Variants in DDR2 observed in about 807,000 individuals in gnomAD.
The protein encoded by DDR2 is discoidin domain-containing receptor 2.
Under a neutral mutation model 94.9 loss-of-function variants are expected in DDR2, and 27 were observed. The ratio of observed to expected loss-of-function variants is 0.28; its 90% confidence interval spans 0.21 to 0.39. DDR2 has a LOEUF of 0.39. DDR2 is among the 10% of genes least tolerant of loss of function. The pLI is 1.00. For missense variants in DDR2, 783 were observed against 1,076.0 expected, an observed-to-expected ratio of 0.73 and a Z score of 3.81; for synonymous variants, 382 against 377.2, an observed-to-expected ratio of 1.01 and a Z score of -0.15.
At chr1:162,651,053 C>T (rs1657663459) in intron 1 of DDR2, among the ~76,000 whole-genome samples, 1 of 152,112 alleles carries the variant, frequency 6.6e-6, no homozygotes, top group African/African-American at 2.4e-5. Context: ...TATATGTCCA[C>T]ATTATTTATT....
In DDR2 at chr1:162,748,263, G is replaced by C. The variant is rs533698408; in HGVS notation, c.83-4832G>C. Among the ~76,000 whole-genome samples the C allele has an allele frequency of 9.2e-5, 14 of 152,260 alleles. No homozygotes were observed. The East Asian group carries it at 2.7e-3, about 29-fold the overall frequency. ...GCTGTATTCAGGAGACCCATCTCAT[G>C]TGCAGAGACACACATAGGCTCAAAA... On this transcript the variant is annotated intron_variant, in intron 3 of 17. Transcript: ENST00000367921.
At position 162,718,179 on chromosome 1, in the gene DDR2, A is replaced by G. The variant is rs143076856; in HGVS notation, c.-27-858A>G. On this transcript the variant is annotated intron_variant, in intron 2 of 17. Coordinates refer to ENST00000367921, the MANE Select transcript of DDR2 (RefSeq NM_006182.4). ...GTTGGCTACTGTGTCCCTTTGTCAT[A>G]CCCCATCATCTTTTTGTGTGTACAT... Among the ~76,000 whole-genome samples, 62 of 152,200 alleles carry G rather than the reference A, an allele frequency of 4.1e-4. No individual in the cohort carries two copies. In the East Asian group the frequency reaches 0.011, roughly 27 times the overall value.
At chr1:162,671,721 T>G (rs758715148) in intron 2 of DDR2, among the ~76,000 whole-genome samples, 1 of 152,172 alleles carries the variant, frequency 6.6e-6, no homozygotes, top group Admixed American at 6.5e-5. Context: ...GATGGACACC[T>G]CCTCGTGAAA....
At chr1:162,723,235 C>T (rs1358487152) in intron 3 of DDR2, among the ~76,000 whole-genome samples, 2 of 152,066 alleles carry the variant, frequency 1.3e-5, no homozygotes, top group African/African-American at 4.8e-5. Context: ...GGGTGAGGAA[C>T]ATTTGGGGCT....
rs1284723493 is a variant in DDR2, at chr1:162,733,019, A to G, written c.82+13874A>G. ...TAGTTTTCCACTCTGGGAAACTGGA[A>G]AAGTGAATTGGCTTCTCTGTCCGGG... On this transcript the variant is annotated intron_variant, in intron 3 of 17. Transcript: ENST00000367921. Among the ~76,000 whole-genome samples, 4 of 152,238 alleles carry G rather than the reference A, an allele frequency of 2.6e-5. No homozygotes were observed. In the South Asian group the frequency reaches 8.3e-4, roughly 31 times the overall value.
At chr1:162,661,691 G>A (rs548057815) in intron 2 of DDR2, among the ~76,000 whole-genome samples, 40 of 152,320 alleles carry the variant, frequency 2.6e-4, no homozygotes, top group African/African-American at 8.2e-4. Flanking sequence ...GGTGGGACCC[G>A]TGTAATCACT....
intron 2 of DDR2, among the ~76,000 whole-genome samples, chr1:162,678,385 G>A (rs551413923): frequency 3.3e-5 from 5 of 152,316 alleles, no homozygotes; most frequent in Middle Eastern, 3.4e-3. Flanking sequence ...GAGTAAACAC[G>A]TTAAAATGAG....
chr1:162,761,126 C>A, intron 8 of DDR2, 85 bp from the exon 9 acceptor site: 1 of 1,588,434 alleles, frequency 6.3e-7, no homozygotes, highest in Non-Finnish European at 8.6e-7. Context: ...TCAGGGTAGA[C>A]GGCAACTACT....
chr1:162,712,326 G>C (rs1181917625), intron 2 of DDR2, among the ~76,000 whole-genome samples: 1 of 151,276 alleles, frequency 6.6e-6, no homozygotes, highest in African/African-American at 2.4e-5. Flanking sequence ...AGAATGTTCA[G>C]ATAACTTACC....
chr1:162,762,910 C>A (rs573260420), intron 9 of DDR2, among the ~76,000 whole-genome samples: 1 of 152,166 alleles, frequency 6.6e-6, no homozygotes, highest in Admixed American at 6.5e-5. Flanking sequence ...GATCTTGGCT[C>A]ACTGCAACCC....
intron 2 of DDR2, among the ~76,000 whole-genome samples, chr1:162,710,726 C>A (rs911531754): frequency 6.6e-6 from 1 of 151,352 alleles, no homozygotes; most frequent in Non-Finnish European, 1.5e-5. Context: ...AAATCTTAAT[C>A]TTCAACACAC....
chr1:162,736,694 G>A (rs1168513896), intron 3 of DDR2, among the ~76,000 whole-genome samples: 1 of 152,202 alleles, frequency 6.6e-6, no homozygotes, highest in African/African-American at 2.4e-5. Context: ...ACTACTGCCA[G>A]TTAAACTATG....
chr1:162,760,893 G>A (rs933464910), intron 8 of DDR2, among the ~76,000 whole-genome samples: 1 of 151,638 alleles, frequency 6.6e-6, no homozygotes. Flanking sequence ...ACCCTGATTC[G>A]TGTGTGTATC....
chr1:162,742,653 G>A (rs1662668589), intron 3 of DDR2, among the ~76,000 whole-genome samples: 1 of 148,656 alleles, frequency 6.7e-6, no homozygotes, highest in Admixed American at 6.7e-5. Context: ...TTACTTTTCA[G>A]TATGAGATTT....
At chr1:162,757,485 G>C (rs1004234424) in intron 7 of DDR2, among the ~76,000 whole-genome samples, 6 of 152,252 alleles carry the variant, frequency 3.9e-5, no homozygotes, top group Middle Eastern at 3.4e-3. Flanking sequence ...ATATTTATGT[G>C]GCAAAGTAGT....
chr1:162,753,315 T>C, intron 4 of DDR2, 118 bp downstream of exon 4: 2 of 916,536 alleles, frequency 2.2e-6, no homozygotes, highest in Admixed American at 2.0e-5. Context: ...TGTTGAGAAA[T>C]GAAGGACAGA....
Position 162,784,113 on chromosome 1 carries a change from A to G in DDR2, c.*3867A>G, listed in dbSNP as rs887824713. 8 of 152,200 alleles carry G rather than the reference A, an allele frequency of 5.3e-5. No homozygotes were observed. Among genetic ancestry groups the G allele is most frequent in the Admixed American group, 4.6e-4 (7 of 15,268 alleles). 9.4% of individuals were successfully genotyped at this position (152,200 alleles called of 1,614,324 possible). ...ATATCTGCACAAACAGATATGCACC[A>G]TGTTGGAAACATGTGTTTTCCTAGT... On this transcript the variant is annotated 3_prime_UTR_variant, in exon 18 of 18. Transcript: ENST00000367921.
intron 3 of DDR2, among the ~76,000 whole-genome samples, chr1:162,732,184 T>C (rs1662085823): frequency 6.6e-6 from 1 of 152,212 alleles, no homozygotes; most frequent in Admixed American, 6.5e-5. Context: ...TTTCAACTTG[T>C]GCAAGAGGTC....
In DDR2 at chr1:162,662,311, T is replaced by C. The variant is rs564820374; in HGVS notation, c.-28+6937T>C. Among the ~76,000 whole-genome samples, 8 of 152,336 alleles carry C rather than the reference T, an allele frequency of 5.3e-5. No homozygotes were observed. In the South Asian group the frequency reaches 1.7e-3, roughly 32 times the overall value. On this transcript the variant is annotated intron_variant, in intron 2 of 17. Coordinates refer to ENST00000367921, the MANE Select transcript of DDR2 (RefSeq NM_006182.4). ...CCTGAACTGGAGAGTCAGACACATC[T>C]GAGTTCAAATTCTAGTTTCTTGATC...
Sources: gnomAD v4.1 joint callset for allele counts (sites outside exome capture counted in the v4.1 genomes callset) on GRCh38, gnomAD v4.1.1 for gene constraint, MANE v1.5 for transcripts, NCBI Gene and HGNC (gene_info 2026-07-23, HGNC 2026-07-21) for gene names.